The following GABRG3 variants were observed in gnomAD, a reference collection of about 807,000 sequenced individuals.
GABRG3 encodes the protein gamma-aminobutyric acid type A receptor subunit gamma3.
A neutral mutation model predicts 48.8 loss-of-function variants in GABRG3; 25 were observed. The observed-to-expected ratio is 0.51, with a 90% confidence interval of 0.37 to 0.72. The LOEUF (loss-of-function observed/expected upper bound fraction) is 0.72, where lower values mean the gene tolerates loss of function less well. Ranked by LOEUF, GABRG3 falls within the 30% of genes least tolerant of loss-of-function variation. The pLI is 0.00. For missense variants in GABRG3, 394 were observed against 577.9 expected, an observed-to-expected ratio of 0.68 and a Z score of 3.26; for synonymous variants, 227 against 217.6, an observed-to-expected ratio of 1.04 and a Z score of -0.38.
chr15:27,351,840 G>A (rs889874667), intron 5 of GABRG3, among the ~76,000 whole-genome samples: 5 of 150,138 alleles, frequency 3.3e-5, no homozygotes, highest in Non-Finnish European at 7.4e-5. Context: ...TATAGTGTGT[G>A]TGTTTGTATG....
At chr15:27,462,577 C>G (rs1284218771) in intron 5 of GABRG3, among the ~76,000 whole-genome samples, 1 of 152,018 alleles carries the variant, frequency 6.6e-6, no homozygotes, top group African/African-American at 2.4e-5. Flanking sequence ...TTTAAGAAAC[C>G]AGTGTTTATT....
At chr15:27,192,188 T>A (rs999280924) in intron 3 of GABRG3, among the ~76,000 whole-genome samples, 2 of 151,656 alleles carry the variant, frequency 1.3e-5, no homozygotes, top group Non-Finnish European at 2.9e-5. Flanking sequence ...TTGGTGAATC[T>A]GACAATTGTG....
At chr15:27,080,101 G>A (rs1003640319) in intron 3 of GABRG3, among the ~76,000 whole-genome samples, 1 of 152,022 alleles carries the variant, frequency 6.6e-6, no homozygotes, top group Non-Finnish European at 1.5e-5. Context: ...TCCTCTCTAA[G>A]GTTGCCTCAA....
At chr15:27,259,686 A>G (rs559584295) in intron 3 of GABRG3, among the ~76,000 whole-genome samples, 11 of 152,306 alleles carry the variant, frequency 7.2e-5, no homozygotes, top group Admixed American at 7.2e-4. Flanking sequence ...CTTAGCAGAT[A>G]GAGAGGGAAG....
At chr15:27,426,507 C>T (rs951783731) in intron 5 of GABRG3, among the ~76,000 whole-genome samples, 1 of 152,032 alleles carries the variant, frequency 6.6e-6, no homozygotes, top group African/African-American at 2.4e-5. Flanking sequence ...ATAAAAATGA[C>T]AGAAAGAAAA....
chr15:27,038,488 C>T (rs1018550396), intron 3 of GABRG3, among the ~76,000 whole-genome samples: 1 of 152,086 alleles, frequency 6.6e-6, no homozygotes, highest in Admixed American at 6.5e-5. Context: ...GGTGTGCCCA[C>T]CACCTGTGGA....
chr15:27,364,107 T>C (rs1401497820), intron 5 of GABRG3: 3 of 152,260 alleles, frequency 2.0e-5, no homozygotes, highest in African/African-American at 7.2e-5. Context: ...TATGTACATG[T>C]AATTGTGCAG....
At chr15:27,057,598 G>C (rs1380151926) in intron 3 of GABRG3, among the ~76,000 whole-genome samples, 1 of 152,128 alleles carries the variant, frequency 6.6e-6, no homozygotes, top group Non-Finnish European at 1.5e-5. Flanking sequence ...GGGCTGTGGA[G>C]GGCACCTGTG....
intron 3 of GABRG3, among the ~76,000 whole-genome samples, chr15:27,263,128 G>A (rs1440198640): frequency 2.0e-5 from 3 of 152,214 alleles, no homozygotes; most frequent in Non-Finnish European, 4.4e-5. Flanking sequence ...CGCATCAGCA[G>A]TCATGACAAG....
At chr15:27,193,154 T>C (rs967796326) in intron 3 of GABRG3, among the ~76,000 whole-genome samples, 1 of 152,186 alleles carries the variant, frequency 6.6e-6, no homozygotes, top group Non-Finnish European at 1.5e-5. Context: ...GTTAGGCTGC[T>C]CAGGGGTCAG....
chr15:26,975,738 C>A lies in GABRG3; in HGVS notation c.54-1264C>A, dbSNP rs1466597121. Among the ~76,000 whole-genome samples the A allele has an allele frequency of 6.6e-6, 1 of 152,120 alleles. No homozygotes were observed. The highest frequency in any genetic ancestry group is 1.5e-5 in the Non-Finnish European group (1 of 68,028). ...AGTTCCAGAAACTTATATCCCAGAG[C>A]ACAAGTGTCCTGACATGACACTAAC... On this transcript the variant is annotated intron_variant, in intron 1 of 9. Transcript: ENST00000615808. This position sits in a 1 kb window ranked among gnomAD's most constrained non-coding sequence, Gnocchi z 4.6.
intron 3 of GABRG3, among the ~76,000 whole-genome samples, chr15:27,227,949 T>C (rs370560357): frequency 2.0e-5 from 3 of 152,352 alleles, no homozygotes; most frequent in East Asian, 1.9e-4. Flanking sequence ...TCTTAGTGCA[T>C]GTTTTAAAAT....
At chr15:27,392,185 T>A (rs1309935814) in intron 5 of GABRG3, among the ~76,000 whole-genome samples, 1 of 152,234 alleles carries the variant, frequency 6.6e-6, no homozygotes, top group Non-Finnish European at 1.5e-5. Flanking sequence ...TAACCCAGTA[T>A]TGATATATTA....
chr15:27,475,857 A>T (rs1889925530), intron 5 of GABRG3, among the ~76,000 whole-genome samples: 1 of 151,924 alleles, frequency 6.6e-6, no homozygotes, highest in Non-Finnish European at 1.5e-5. Flanking sequence ...TGTGATGGTG[A>T]TGATGATGGA....
In GABRG3 at chr15:27,326,914, A is replaced by T; in HGVS notation, c.376A>T (p.Ile126Phe). The T allele has an allele frequency of 6.2e-7, 1 of 1,614,034 alleles. No individual in the cohort carries two copies. Among genetic ancestry groups the T allele is most frequent in the Non-Finnish European group, 8.5e-7 (1 of 1,179,902 alleles). The change falls in exon 4 of 10, where the codon ATC becomes TTC. Residue 126 changes from isoleucine (I) to phenylalanine (F), a missense_variant. Ile to Phe is a conservative substitution (Grantham distance 21). This residue lies in a region of GABRG3 where 218 missense variants were observed against 309.9 expected (regional missense o/e 0.70). Transcript: ENST00000615808. The stretch of plus-strand genomic sequence containing the variant: ...TCTGAACAGCAACATGGTGGGGTTA[A>T]TCTGGATCCCAGACACCATCTTCCG... ...LTLNSNMVGL[I>F]WIPDTIFRNS...
chr15:27,275,583 C>T (rs1891225562), intron 3 of GABRG3, among the ~76,000 whole-genome samples: 1 of 152,110 alleles, frequency 6.6e-6, no homozygotes, highest in Non-Finnish European at 1.5e-5. Flanking sequence ...GCCAGATCAG[C>T]CAGTTCAGTT....
Position 27,533,465 on chromosome 15 carries a change from C to G in GABRG3, c.*584C>G, listed in dbSNP as rs189047771. 1.9e-3 allele frequency: 286 copies of G among 153,378 alleles called. No individual in the cohort carries two copies. Among genetic ancestry groups the G allele is most frequent in the Non-Finnish European group, 3.6e-3 (248 of 68,882 alleles). 9.5% of individuals were successfully genotyped at this position (153,378 alleles called of 1,614,324 possible). A position where few individuals can be genotyped will look rare whatever the true frequency, so the allele number is the denominator to read the frequency against. ...CACTCCTTTACCTAATAACCTCGTT[C>G]TAGGCCTGGGGAGAGTACACTCGCA... On this transcript the variant is annotated 3_prime_UTR_variant, in exon 10 of 10. Transcript: ENST00000615808.
At position 27,534,832 on chromosome 15, in the gene GABRG3, G is replaced by A. The variant is rs1329168869; in HGVS notation, c.*1951G>A. Reference sequence around the variant, plus strand: ...TCCAAAGATGGAGTCTATACAGCGTGAGACATTCAAACCCATTGTTTCTCT... The same window carrying A: ...TCCAAAGATGGAGTCTATACAGCGTAAGACATTCAAACCCATTGTTTCTCT... On this transcript the variant is annotated 3_prime_UTR_variant, in exon 10 of 10. Transcript: ENST00000615808. 1 of 152,178 alleles carries A rather than the reference G, an allele frequency of 6.6e-6. No homozygotes were observed. The highest frequency in any genetic ancestry group is 1.9e-4 in the East Asian group (1 of 5,188). The allele number at this position is 152,178 out of a possible 1,614,324, so 9.4% of individuals were successfully genotyped here.
chr15:27,025,839 A>G (rs1466912978), intron 2 of GABRG3, among the ~76,000 whole-genome samples: 2 of 152,200 alleles, frequency 1.3e-5, no homozygotes, highest in African/African-American at 2.4e-5. Flanking sequence ...AGTCTTGTTC[A>G]TATTCCTCCT....
Sources: gnomAD v4.1 joint callset for allele counts (sites outside exome capture counted in the v4.1 genomes callset) on GRCh38, gnomAD v4.1.1 for gene constraint, gnomAD v4.1.1 regional missense constraint, Gnocchi (gnomAD v3.1) non-coding constraint, MANE v1.5 for transcripts, NCBI Gene and HGNC (gene_info 2026-07-23, HGNC 2026-07-21) for gene names.